The following CFAP20DC variants were observed in gnomAD, a reference collection of about 807,000 sequenced individuals.
CFAP20DC encodes the protein protein CFAP20DC.
A neutral mutation model predicts 101.7 loss-of-function variants in CFAP20DC; 84 were observed. The observed-to-expected ratio is 0.83, with a 90% CI of 0.69 to 0.99. The LOEUF is 0.99. Ranked by LOEUF, CFAP20DC falls within the 50% of genes least tolerant of loss-of-function variation. CFAP20DC has a pLI of 0.00. For synonymous variants in CFAP20DC, 359 were observed against 351.2 expected (o/e 1.02, Z -0.25); for missense variants, 1,007 against 970.3 (o/e 1.04, Z -0.50).
chr3:58,789,983 A>G (rs573488047), intron 15 of CFAP20DC, among the ~76,000 whole-genome samples: 3 of 152,320 alleles, frequency 2.0e-5, no homozygotes, highest in African/African-American at 7.2e-5. Flanking sequence ...TAGAAAAAGC[A>G]AACTATTTTA....
intron 14 of CFAP20DC, among the ~76,000 whole-genome samples, chr3:58,816,410 G>C: frequency 6.6e-6 from 1 of 152,192 alleles, no homozygotes; most frequent in East Asian, 1.9e-4. Context: ...GTGCCAGACA[G>C]TGGGCACAGG....
intron 5 of CFAP20DC, among the ~76,000 whole-genome samples, chr3:58,920,586 A>C (rs1192502345): frequency 6.6e-6 from 1 of 152,176 alleles, no homozygotes; most frequent in Non-Finnish European, 1.5e-5. Flanking sequence ...CTCTGTATCT[A>C]TTGAGATAAT....
rs895466651 is a variant in CFAP20DC, at chr3:58,863,926, A to T, written c.1259-34T>A. ...TGGAAAAGATGACAAAAATTAGAGC[A>T]GTAATCCATAAAAGTGTTATTTTTA... is the stretch of plus-strand genomic sequence containing the variant. On this transcript the variant is annotated intron_variant, in intron 11 of 16. Transcript: ENST00000482387. This position sits in a 1 kb window ranked among gnomAD's most constrained non-coding sequence, Gnocchi z 5.9. 1.3e-6 allele frequency: 2 copies of T among 1,560,818 alleles called. No homozygotes were observed. Among genetic ancestry groups the T allele is most frequent in the African/African-American group, 1.4e-5 (1 of 72,506 alleles).
At chr3:58,954,646 T>G (rs2090459878) in intron 4 of CFAP20DC, among the ~76,000 whole-genome samples, 1 of 152,230 alleles carries the variant, frequency 6.6e-6, no homozygotes, top group South Asian at 2.1e-4. Context: ...TAATGTTGCA[T>G]GATTAGTATA....
chr3:58,986,826 C>G (rs1346036420), intron 4 of CFAP20DC, among the ~76,000 whole-genome samples: 4 of 152,182 alleles, frequency 2.6e-5, no homozygotes, highest in African/African-American at 9.6e-5. Flanking sequence ...CCCCAATAAA[C>G]ATAAAGTCAC....
rs146925329 is a variant in CFAP20DC at position 58,814,103 on chromosome 3, C to G, written c.2176-7647G>C. On this transcript the variant is annotated intron_variant, in intron 14 of 16. Coordinates refer to ENST00000482387, the MANE Select transcript of CFAP20DC (RefSeq NM_001394063.1). The stretch of plus-strand genomic sequence containing the variant: ...GTACTCAGGTCTCCAGTGAATGGAC[C>G]TCTGCCTATTTATTTTTAGAGGCAT... 3.6e-3 allele frequency among the ~76,000 whole-genome samples: 543 copies of G among 151,958 alleles called. 14 individuals are homozygous for G. The highest frequency in any genetic ancestry group is 0.033 in the Admixed American group (503 of 15,250).
chr3:58,895,703 A>G (rs1170041178), intron 6 of CFAP20DC, among the ~76,000 whole-genome samples: 1 of 152,126 alleles, frequency 6.6e-6, no homozygotes, highest in African/African-American at 2.4e-5. Flanking sequence ...AATTTACTGT[A>G]TTAGGCTGTT....
At chr3:58,779,998 A>C (rs1247846020) in intron 15 of CFAP20DC, among the ~76,000 whole-genome samples, 2 of 152,170 alleles carry the variant, frequency 1.3e-5, no homozygotes. Context: ...AACCCCTATC[A>C]GACTAACAGT....
At chr3:58,898,043 TA>T (rs1161568830) in intron 6 of CFAP20DC, among the ~76,000 whole-genome samples, 4 of 152,204 alleles carry the variant, frequency 2.6e-5, no homozygotes, top group African/African-American at 9.6e-5. Flanking sequence ...TCTCTTTCCA[TA>T]ATCCCCATAT....
At position 58,859,945 on chromosome 3, in the gene CFAP20DC, G is replaced by A. The variant is rs1000153607; in HGVS notation, c.1593+3613C>T. ...TGTAATCCCAGCACTTTCGGAAGCC[G>A]AGGCAGGCAGATCACGAGGTCAGGA... On this transcript the variant is annotated intron_variant, in intron 12 of 16. Transcript: ENST00000482387. The surrounding 1 kb of genome is among the most constrained non-coding windows in gnomAD (Gnocchi z 4.1). 4.6e-5 allele frequency among the ~76,000 whole-genome samples: 7 copies of A among 152,120 alleles called. No individual in the cohort carries two copies. Among genetic ancestry groups the A allele is most frequent in the African/African-American group, 1.2e-4 (5 of 41,508 alleles).
At position 58,902,859 on chromosome 3, in the gene CFAP20DC, ACT is replaced by A. The variant is rs1371047722; in HGVS notation, c.550+10847_550+10848del. ...AAAATGCTAGGAAATAGTTATACAC[ACT>A]GTTTATTTGTATTACTTTTATTGTT... is the stretch of plus-strand genomic sequence containing the variant. On this transcript the variant is annotated intron_variant, in intron 6 of 16. Coordinates refer to ENST00000482387, the MANE Select transcript of CFAP20DC (RefSeq NM_001394063.1). 6.6e-5 allele frequency among the ~76,000 whole-genome samples: 10 copies of A among 152,082 alleles called. No homozygotes were observed. In the East Asian group the frequency reaches 1.9e-3, roughly 29 times the overall value.
intron 14 of CFAP20DC, among the ~76,000 whole-genome samples, chr3:58,809,079 C>A (rs925494099): frequency 1.4e-4 from 21 of 152,054 alleles, no homozygotes; most frequent in Admixed American, 1.0e-3. Flanking sequence ...TCCTGAGTGA[C>A]CTACAAAGAG....
At chr3:58,777,310 T>C (rs1010799758) in intron 15 of CFAP20DC, among the ~76,000 whole-genome samples, 8 of 152,318 alleles carry the variant, frequency 5.3e-5, no homozygotes, top group Middle Eastern at 3.4e-3. Context: ...CATGTACTGA[T>C]TGATGTCTGA....
chr3:58,744,588 A>G (rs914349237), intron 16 of CFAP20DC, among the ~76,000 whole-genome samples: 3 of 152,174 alleles, frequency 2.0e-5, no homozygotes, highest in African/African-American at 7.2e-5. Flanking sequence ...AAACAGTTCA[A>G]TAAGTCCAAA....
intron 12 of CFAP20DC, among the ~76,000 whole-genome samples, chr3:58,858,511 T>A (rs1324167862): frequency 1.3e-5 from 2 of 152,222 alleles, no homozygotes; most frequent in Admixed American, 1.3e-4. Context: ...GGCCACCTAC[T>A]TGGAGCAGAT....
intron 4 of CFAP20DC, among the ~76,000 whole-genome samples, chr3:58,958,995 T>C (rs2090898633): frequency 6.6e-6 from 1 of 152,248 alleles, no homozygotes; most frequent in Admixed American, 6.5e-5. Flanking sequence ...ATACTAATCA[T>C]ATTTTAGTAT....
chr3:58,923,613 C>G (rs2085631310), intron 5 of CFAP20DC, among the ~76,000 whole-genome samples: 1 of 152,144 alleles, frequency 6.6e-6, no homozygotes. Flanking sequence ...TTACTGTTTT[C>G]TGGCATATAA....
rs368381632 is a variant in CFAP20DC at position 58,722,905 on chromosome 3, A to G, written c.198-5277T>C. Among the ~76,000 whole-genome samples, 6 of 152,302 alleles carry G rather than the reference A, an allele frequency of 3.9e-5. No individual in the cohort carries two copies. The highest frequency in any genetic ancestry group is 1.2e-4 in the African/African-American group (5 of 41,572). Reference sequence around the variant, plus strand: ...GGTCTGATTCAAATTCACCTTTCAAATCTTTACCTTGTCAATTTTGGTAAC... The same window carrying G: ...GGTCTGATTCAAATTCACCTTTCAAGTCTTTACCTTGTCAATTTTGGTAAC... On this transcript the variant is annotated intron_variant, in intron 3 of 3. Transcript: ENST00000486145. The surrounding 1 kb of genome is among the most constrained non-coding windows in gnomAD (Gnocchi z 4.5).
At chr3:58,925,118 T>C in intron 5 of CFAP20DC, among the ~76,000 whole-genome samples, 1 of 152,174 alleles carries the variant, frequency 6.6e-6, no homozygotes, top group Non-Finnish European at 1.5e-5. Flanking sequence ...TCTGGGTCTG[T>C]TTCTAGTCCC....
Sources: allele counts gnomAD v4.1 joint callset (sites outside exome capture counted in the v4.1 genomes callset), GRCh38; gene constraint gnomAD v4.1.1; non-coding constraint Gnocchi (gnomAD v3.1); transcripts MANE v1.5; gene names NCBI Gene and HGNC (gene_info 2026-07-23, HGNC 2026-07-21).